NKAIN2: variants seen among roughly 807,000 people sequenced by gnomAD.
NKAIN2 encodes sodium/potassium transporting ATPase interacting 2, also known as sodium/potassium-transporting ATPase subunit beta-1-interacting protein 2.
NKAIN2 carries 14 observed loss-of-function variants against 32.6 expected under a neutral mutation model. That is an observed-to-expected ratio of 0.43 (90% CI 0.28 to 0.67). The LOEUF (loss-of-function observed/expected upper bound fraction) is 0.67. NKAIN2 is among the 30% of genes least tolerant of loss of function. The probability of loss-of-function intolerance (pLI) is 0.17; values close to 1 mark genes in which losing one functional copy is unlikely to be tolerated. For missense variants in NKAIN2, 198 were observed against 258.3 expected, an observed-to-expected ratio of 0.77 and a Z score of 1.60; for synonymous variants, 80 against 87.2, an observed-to-expected ratio of 0.92 and a Z score of 0.46.
At chr6:123,988,744 A>G (rs1410315461) in intron 1 of NKAIN2, among the ~76,000 whole-genome samples, 3 of 152,220 alleles carry the variant, frequency 2.0e-5, no homozygotes, top group Non-Finnish European at 2.9e-5. Context: ...GTTGTTGCTA[A>G]TAATACAGTG....
intron 4 of NKAIN2, among the ~76,000 whole-genome samples, chr6:124,711,751 G>C (rs1321590337): frequency 1.3e-5 from 2 of 151,958 alleles, no homozygotes; most frequent in Middle Eastern, 3.2e-3. Context: ...CGACTTATTT[G>C]CCTTTGGTTT....
chr6:124,753,399 G>A (rs1488800868), intron 4 of NKAIN2, among the ~76,000 whole-genome samples: 1 of 152,088 alleles, frequency 6.6e-6, no homozygotes, highest in Non-Finnish European at 1.5e-5. Context: ...TATTCAGCAA[G>A]ATGAAAATCC....
chr6:124,415,713 C>T (rs1774432693), intron 3 of NKAIN2, among the ~76,000 whole-genome samples: 1 of 151,994 alleles, frequency 6.6e-6, no homozygotes, highest in South Asian at 2.1e-4. Context: ...AGGTGTCAAC[C>T]ATCAGTCAAC....
At chr6:124,596,808 A>G (rs1469617551) in intron 3 of NKAIN2, among the ~76,000 whole-genome samples, 1 of 151,988 alleles carries the variant, frequency 6.6e-6, no homozygotes, top group Non-Finnish European at 1.5e-5. Context: ...ATTATAAGGA[A>G]TTGCCTCGTG....
intron 1 of NKAIN2, among the ~76,000 whole-genome samples, chr6:124,208,660 T>C (rs116981012): frequency 0.021 from 3,227 of 151,596 alleles, 53 homozygotes; most frequent in Middle Eastern, 0.045. Flanking sequence ...TTATCCTACA[T>C]AAACTGTAAT....
chr6:124,374,255 G>A (rs764046548), intron 3 of NKAIN2, among the ~76,000 whole-genome samples: 2 of 151,852 alleles, frequency 1.3e-5, no homozygotes, highest in Non-Finnish European at 2.9e-5. Flanking sequence ...ATGTGCTTCA[G>A]TAAAATGAGT....
At chr6:123,898,530 T>C (rs1227733564) in intron 1 of NKAIN2, among the ~76,000 whole-genome samples, 1 of 150,954 alleles carries the variant, frequency 6.6e-6, no homozygotes, top group Non-Finnish European at 1.5e-5. Flanking sequence ...TGTCCAGATA[T>C]CGATTCCTGG....
At chr6:124,605,240 C>T (rs567831774) in intron 3 of NKAIN2, among the ~76,000 whole-genome samples, 7 of 152,026 alleles carry the variant, frequency 4.6e-5, no homozygotes, top group African/African-American at 1.2e-4. Context: ...TACTTTTATT[C>T]GCTGGGTCTG....
At chr6:124,518,934 C>T (rs898462814) in intron 3 of NKAIN2, among the ~76,000 whole-genome samples, 2 of 152,142 alleles carry the variant, frequency 1.3e-5, no homozygotes, top group African/African-American at 4.8e-5. Context: ...TTATAGAGCA[C>T]CATTCACTCC....
intron 1 of NKAIN2, among the ~76,000 whole-genome samples, chr6:124,080,700 C>G (rs1485096077): frequency 6.6e-6 from 1 of 151,942 alleles, no homozygotes; most frequent in Non-Finnish European, 1.5e-5. Flanking sequence ...TTGAATCTAG[C>G]TCTGCACACA....
At chr6:124,477,161 C>T (rs1478467506) in intron 3 of NKAIN2, among the ~76,000 whole-genome samples, 1 of 152,142 alleles carries the variant, frequency 6.6e-6, no homozygotes, top group Middle Eastern at 3.2e-3. Flanking sequence ...TTGATATAAT[C>T]CTTAACCAAA....
intron 3 of NKAIN2, among the ~76,000 whole-genome samples, chr6:124,636,479 C>G (rs1783777786): frequency 6.6e-6 from 1 of 151,692 alleles, no homozygotes. Context: ...TGAAAAGTTG[C>G]TCTCTTGAGA....
At chr6:124,065,237 C>T (rs1783111747) in intron 1 of NKAIN2, among the ~76,000 whole-genome samples, 1 of 151,988 alleles carries the variant, frequency 6.6e-6, no homozygotes, top group South Asian at 2.1e-4. Context: ...CACACACACA[C>T]ACAACACTCA....
At position 124,199,174 on chromosome 6, in the gene NKAIN2, C is replaced by T. The variant is rs576532849; in HGVS notation, c.55-83831C>T. ...GGATTTTGCTTGGCACAAACACTGG[C>T]GTGACAACAGATCTCCTAAAAAGTG... On this transcript the variant is annotated intron_variant, in intron 1 of 6. Transcript: ENST00000368417. 1.1e-4 allele frequency among the ~76,000 whole-genome samples: 17 copies of T among 152,188 alleles called. 1 individual carries two copies. Among genetic ancestry groups the T allele is most frequent in the South Asian group, 4.1e-4 (2 of 4,826 alleles).
chr6:123,977,908 T>A, intron 1 of NKAIN2, among the ~76,000 whole-genome samples: 1 of 152,072 alleles, frequency 6.6e-6, no homozygotes, highest in East Asian at 2.0e-4. Context: ...ATGGACAACA[T>A]GTTGTAGGGA....
chr6:124,404,765 A>C (rs1034601595), intron 3 of NKAIN2, among the ~76,000 whole-genome samples: 1 of 149,264 alleles, frequency 6.7e-6, no homozygotes, highest in African/African-American at 2.4e-5. Flanking sequence ...CATAGATTTA[A>C]GTTAGAATTT....
chr6:124,504,388 G>A (rs959073684), intron 3 of NKAIN2, among the ~76,000 whole-genome samples: 21 of 152,046 alleles, frequency 1.4e-4, no homozygotes, highest in Admixed American at 9.8e-4. Flanking sequence ...CAATGCCATT[G>A]TGAGACAGTG....
At chr6:124,698,285 T>A (rs906655490) in intron 4 of NKAIN2, among the ~76,000 whole-genome samples, 5 of 152,156 alleles carry the variant, frequency 3.3e-5, no homozygotes, top group Non-Finnish European at 5.9e-5. Context: ...TCTAAGCTAC[T>A]GTGCTTCATC....
At chr6:124,518,305 AAAGAT>A (rs1184855939) in intron 3 of NKAIN2, among the ~76,000 whole-genome samples, 6 of 151,520 alleles carry the variant, frequency 4.0e-5, no homozygotes, top group African/African-American at 1.2e-4. Flanking sequence ...AAAAAAAAAA[AAAGAT>A]AGAAAAGGAA....
Sources: gnomAD v4.1 joint callset for allele counts (sites outside exome capture counted in the v4.1 genomes callset) on GRCh38, gnomAD v4.1.1 for gene constraint, MANE v1.5 for transcripts, NCBI Gene and HGNC (gene_info 2026-07-23, HGNC 2026-07-21) for gene names.